The following HORMAD2 variants were observed in gnomAD, a reference collection of about 807,000 sequenced individuals.
The protein encoded by HORMAD2 is HORMA domain containing 2.
A neutral mutation model predicts 38.8 loss-of-function variants in HORMAD2; 45 were observed. The observed-to-expected ratio is 1.16, with a 90% CI of 0.91 to 1.49. HORMAD2 has a LOEUF of 1.49. HORMAD2 is among the 40% of genes most tolerant of loss of function. HORMAD2 has a pLI of 0.00. For missense variants in HORMAD2, 338 were observed against 367.0 expected (o/e 0.92, Z 0.65); for synonymous variants, 126 against 122.8 (o/e 1.03, Z -0.17).
At chr22:30,177,439 A>G (rs1289453030), downstream of HORMAD2, among the ~76,000 whole-genome samples, 1 of 152,208 alleles carries the variant, frequency 6.6e-6, no homozygotes, top group African/African-American at 2.4e-5. Flanking sequence ...AAATTGGGCT[A>G]TAGCACTGGG....
Position 30,110,447 on chromosome 22 carries a change from G to A in HORMAD2, c.295-1349G>A, listed in dbSNP as rs564145008. The stretch of plus-strand genomic sequence containing the variant: ...GTCGCCCAGGCTGGAGTGCAATGGC[G>A]TGATCTCAGCTCACTGCAACCTCTG... On this transcript the variant is annotated intron_variant, in intron 5 of 10. Transcript: ENST00000336726. Among the ~76,000 whole-genome samples, 6 of 145,552 alleles carry A rather than the reference G, an allele frequency of 4.1e-5. No homozygotes were observed. The South Asian group carries it at 6.5e-4, about 16-fold the overall frequency.
intron 1 of HORMAD2, among the ~76,000 whole-genome samples, chr22:30,080,827 C>T (rs1490368027): frequency 6.6e-6 from 1 of 152,030 alleles, no homozygotes; most frequent in African/African-American, 2.4e-5. Flanking sequence ...GCAGGGCAGA[C>T]GATGTCTGTG....
intron 10 of HORMAD2, among the ~76,000 whole-genome samples, chr22:30,168,828 C>G (rs1442831131): frequency 1.3e-5 from 2 of 152,118 alleles, no homozygotes; most frequent in African/African-American, 2.4e-5. Context: ...TCTTACTCCT[C>G]TCCAATCCAC....
At chr22:30,202,183 C>A in the HORMAD2 span, among the ~76,000 whole-genome samples, 3 of 152,154 alleles carry the variant, frequency 2.0e-5, no homozygotes, top group African/African-American at 7.2e-5. Flanking sequence ...AGGCACCAGG[C>A]CAGATGTTAG....
At chr22:30,172,349 C>T (rs776805839) in intron 10 of HORMAD2, among the ~76,000 whole-genome samples, 19 of 152,054 alleles carry the variant, frequency 1.2e-4, no homozygotes, top group Non-Finnish European at 2.2e-4. Flanking sequence ...AATGAATTGC[C>T]GAATGTCTAT....
chr22:30,093,822 G>A (rs190005342), intron 1 of HORMAD2, 94 bp from the exon 2 acceptor site: 11 of 579,144 alleles, frequency 1.9e-5, no homozygotes, highest in African/African-American at 1.5e-4. Context: ...TTTTTTGTTT[G>A]CTTTTAGACT....
intron 10 of HORMAD2, among the ~76,000 whole-genome samples, chr22:30,148,509 G>A (rs1458944623): frequency 1.3e-5 from 2 of 152,020 alleles, no homozygotes; most frequent in Non-Finnish European, 2.9e-5. Context: ...CCAAAAATAG[G>A]TGCATTTTTT....
chr22:30,159,752 T>G (rs1330470376), intron 10 of HORMAD2, among the ~76,000 whole-genome samples: 1 of 152,214 alleles, frequency 6.6e-6, no homozygotes, highest in Admixed American at 6.5e-5. Flanking sequence ...ATGCTCATTT[T>G]TTTTTTCTGA....
intron 6 of HORMAD2, among the ~76,000 whole-genome samples, chr22:30,112,232 A>G (rs370309846): frequency 2.0e-5 from 3 of 152,206 alleles, no homozygotes; most frequent in African/African-American, 7.2e-5. Context: ...CAAATTTTAA[A>G]CCATAATGGA....
intron 7 of HORMAD2, among the ~76,000 whole-genome samples, chr22:30,118,495 T>G (rs907013755): frequency 6.6e-6 from 1 of 152,232 alleles, no homozygotes; most frequent in Non-Finnish European, 1.5e-5. Context: ...TTCACAGCAC[T>G]TACACTATCG....
At chr22:30,160,713 A>G (rs979186094) in intron 10 of HORMAD2, among the ~76,000 whole-genome samples, 9 of 152,238 alleles carry the variant, frequency 5.9e-5, no homozygotes, top group African/African-American at 1.9e-4. Flanking sequence ...GATACATAAA[A>G]CTAACAAAAA....
chr22:30,112,540 C>T lies in HORMAD2; in HGVS notation c.342+18C>T, dbSNP rs374251419. On this transcript the variant is annotated intron_variant, in intron 7 of 10. Coordinates refer to ENST00000336726, the MANE Select transcript of HORMAD2 (RefSeq NM_152510.4). Reference sequence around the variant, plus strand: ...GATCTGAGGTAAGAACACACACAAACGTATAGGTGGGTAGTATATGTATAT... The same window carrying T: ...GATCTGAGGTAAGAACACACACAAATGTATAGGTGGGTAGTATATGTATAT... 20 of 1,228,298 alleles carry T rather than the reference C, an allele frequency of 1.6e-5. No individual in the cohort carries two copies. Among genetic ancestry groups the T allele is most frequent in the African/African-American group, 1.5e-4 (9 of 61,690 alleles). 76.1% of individuals were successfully genotyped at this position (1,228,298 alleles called of 1,614,324 possible).
intron 2 of HORMAD2, among the ~76,000 whole-genome samples, chr22:30,095,122 C>G (rs1466344959): frequency 6.6e-6 from 1 of 152,098 alleles, no homozygotes; most frequent in Non-Finnish European, 1.5e-5. Context: ...AATCTTACAA[C>G]TACTGGGTCT....
At chr22:30,135,682 C>T (rs1923602978) in intron 10 of HORMAD2, among the ~76,000 whole-genome samples, 1 of 152,130 alleles carries the variant, frequency 6.6e-6, no homozygotes, top group Non-Finnish European at 1.5e-5. Flanking sequence ...ATGGAGAGCC[C>T]TTCTCGAACA....
At chr22:30,091,196 A>G (rs1016039593) in intron 1 of HORMAD2, among the ~76,000 whole-genome samples, 2 of 150,840 alleles carry the variant, frequency 1.3e-5, no homozygotes, top group Non-Finnish European at 3.0e-5. Context: ...TCCATTGTGT[A>G]TATATATCCT....
chr22:30,160,974 T>C (rs1208866261), intron 10 of HORMAD2, among the ~76,000 whole-genome samples: 1 of 152,204 alleles, frequency 6.6e-6, no homozygotes, highest in Non-Finnish European at 1.5e-5. Context: ...TACTTCACTT[T>C]AGGGGTTTTC....
chr22:30,122,398 A>C (rs1056267964), intron 10 of HORMAD2, among the ~76,000 whole-genome samples, 184 bp downstream of exon 10: 3 of 152,234 alleles, frequency 2.0e-5, no homozygotes, highest in African/African-American at 7.2e-5. Flanking sequence ...ATACTTTATC[A>C]GATGAAATTG....
At chr22:30,140,266 A>C (rs1923986046) in intron 10 of HORMAD2, among the ~76,000 whole-genome samples, 1 of 150,238 alleles carries the variant, frequency 6.7e-6, no homozygotes. Flanking sequence ...TCTGTCAAAA[A>C]AATAAAAAAG....
chr22:30,192,394 A>G, the HORMAD2 span, among the ~76,000 whole-genome samples: 6 of 152,180 alleles, frequency 3.9e-5, no homozygotes, highest in Non-Finnish European at 7.3e-5. Context: ...CAGGAAGAGC[A>G]TCTCCTACTA....
Sources: gnomAD v4.1 joint callset for allele counts (sites outside exome capture counted in the v4.1 genomes callset) on GRCh38, gnomAD v4.1.1 for gene constraint, MANE v1.5 for transcripts, NCBI Gene and HGNC (gene_info 2026-07-23, HGNC 2026-07-21) for gene names.